The following SH3BP4 variants were observed in gnomAD, a reference collection of about 807,000 sequenced individuals.
SH3BP4 encodes the protein SH3 domain-binding protein 4.
SH3BP4 carries 33 observed loss-of-function variants against 65.5 expected under a neutral mutation model. That is an observed-to-expected ratio of 0.50 (90% CI 0.38 to 0.67). The LOEUF is 0.67. Among genes scored for constraint, SH3BP4 ranks in the 30% least tolerant of loss-of-function variants. The probability of loss-of-function intolerance (pLI) is 0.00; values close to 1 mark genes in which losing one functional copy is unlikely to be tolerated. For synonymous variants in SH3BP4, 552 were observed against 545.5 expected, an observed-to-expected ratio of 1.01 and a Z score of -0.17; for missense variants, 1,134 against 1,261.4, an observed-to-expected ratio of 0.90 and a Z score of 1.53.
intron 2 of SH3BP4, among the ~76,000 whole-genome samples, chr2:235,017,020 C>T (rs940650507): frequency 6.9e-6 from 1 of 144,110 alleles, no homozygotes; most frequent in Non-Finnish European, 1.5e-5. Context: ...ATCTCACTTT[C>T]GGCAGCGAGT....
intron 1 of SH3BP4, among the ~76,000 whole-genome samples, chr2:234,984,885 A>G (rs553370033): frequency 6.6e-5 from 10 of 152,240 alleles, no homozygotes; most frequent in African/African-American, 2.4e-4. Flanking sequence ...GAAGAGGAAA[A>G]GCTAATCGGG....
chr2:235,016,613 A>T (rs1694691530), intron 2 of SH3BP4, among the ~76,000 whole-genome samples: 1 of 152,002 alleles, frequency 6.6e-6, no homozygotes, highest in Admixed American at 6.6e-5. Flanking sequence ...AGTTCAAGCG[A>T]TTCTCCTGCC....
rs200280663 is a variant in SH3BP4 at position 235,040,858 on chromosome 2, C to T, written c.119-30C>T. 3.4e-4 allele frequency: 545 copies of T among 1,593,146 alleles called. 2 individuals are homozygous for T. The highest frequency in any genetic ancestry group is 3.1e-3 in the African/African-American group (233 of 74,696). The stretch of plus-strand genomic sequence containing the variant: ...CCGGACACCCCGCCGGCCTTGCCCT[C>T]ACCATCTGTTTTCTTTGTGTTTTGC... On this transcript the variant is annotated intron_variant, in intron 3 of 5. Transcript: ENST00000392011.
At chr2:234,995,084 C>T (rs1401673116) in intron 1 of SH3BP4, 2 of 152,240 alleles carry the variant, frequency 1.3e-5, no homozygotes, top group African/African-American at 4.8e-5. Context: ...TCTGGGTGGC[C>T]CCCGGTGAAG....
intron 2 of SH3BP4, among the ~76,000 whole-genome samples, chr2:235,012,340 G>C (rs1330323736): frequency 6.6e-6 from 1 of 152,210 alleles, no homozygotes; most frequent in Non-Finnish European, 1.5e-5. Flanking sequence ...TGCTGACCAG[G>C]CTCCACTTAC....
chr2:235,037,348 C>A (rs1421947818), intron 3 of SH3BP4, among the ~76,000 whole-genome samples: 1 of 152,130 alleles, frequency 6.6e-6, no homozygotes, highest in East Asian at 1.9e-4. Context: ...ACACAACAGT[C>A]CACCTCCCTA....
chr2:234,973,883 C>T (rs1281510098), intron 1 of SH3BP4, among the ~76,000 whole-genome samples: 1 of 152,100 alleles, frequency 6.6e-6, no homozygotes, highest in Non-Finnish European at 1.5e-5. Context: ...GATCCTCCTG[C>T]CTCAGCTTCC....
At chr2:235,044,851 C>T (rs529128075) in intron 4 of SH3BP4, among the ~76,000 whole-genome samples, 6 of 152,290 alleles carry the variant, frequency 3.9e-5, no homozygotes, top group South Asian at 2.1e-4. Context: ...GGCCTGCAGT[C>T]GTGTGCAGTG....
intron 1 of SH3BP4, among the ~76,000 whole-genome samples, chr2:234,965,536 G>A (rs1472122097): frequency 6.6e-6 from 1 of 152,218 alleles, no homozygotes; most frequent in Non-Finnish European, 1.5e-5. Context: ...TCCTCAACTG[G>A]CTCAGAGGAA....
rs1241220593 is a variant in SH3BP4, at chr2:235,035,868, C to G, written c.118+748C>G. ...CCTAGGCCACGTTCAGTCTCTCTCA[C>G]ATGCTCCTTTGGGGCTTGGCAGTTG... is the stretch of plus-strand genomic sequence containing the variant. On this transcript the variant is annotated intron_variant, in intron 3 of 5. Transcript: ENST00000392011. This position sits in a 1 kb window ranked among gnomAD's most constrained non-coding sequence, Gnocchi z 5.0. Among the ~76,000 whole-genome samples the G allele has an allele frequency of 6.6e-6, 1 of 152,260 alleles. No homozygotes were observed. Among genetic ancestry groups the G allele is most frequent in the African/African-American group, 2.4e-5 (1 of 41,468 alleles).
intron 1 of SH3BP4, among the ~76,000 whole-genome samples, chr2:234,966,849 TA>T (rs1280425118): frequency 6.6e-6 from 1 of 152,164 alleles, no homozygotes; most frequent in South Asian, 2.1e-4. Context: ...GCAGAAAATG[TA>T]AAAAAAGCTT....
chr2:234,985,690 C>T (rs909151713), intron 1 of SH3BP4, among the ~76,000 whole-genome samples: 12 of 152,190 alleles, frequency 7.9e-5, no homozygotes, highest in Admixed American at 4.6e-4. Flanking sequence ...GATGTATGTT[C>T]GGGTGAAGCA....
intron 2 of SH3BP4, among the ~76,000 whole-genome samples, chr2:235,017,873 T>TA (rs1324988559): frequency 7.2e-5 from 11 of 152,278 alleles, no homozygotes; most frequent in African/African-American, 2.6e-4. Flanking sequence ...ATTCAACCAG[T>TA]TTTTTTGGTT....
chr2:234,973,314 C>T (rs1482764395), intron 1 of SH3BP4, among the ~76,000 whole-genome samples: 2 of 152,138 alleles, frequency 1.3e-5, no homozygotes, highest in African/African-American at 4.8e-5. Context: ...AGTGCTGTTT[C>T]GTGACCCCTC....
At chr2:235,025,325 T>C (rs1038547912) in intron 2 of SH3BP4, among the ~76,000 whole-genome samples, 3 of 152,164 alleles carry the variant, frequency 2.0e-5, no homozygotes, top group Non-Finnish European at 4.4e-5. Context: ...GTCTGCGGAC[T>C]TCCAGTCCCA....
chr2:235,043,898 G>C (rs115417683), intron 4 of SH3BP4, among the ~76,000 whole-genome samples: 4,422 of 152,386 alleles, frequency 0.029, 87 homozygotes, highest in Non-Finnish European at 0.045. Flanking sequence ...ACAACCCAAG[G>C]ACCCTGCAAA....
rs1692485682 is a variant in SH3BP4, at chr2:234,952,216, G to A, written c.-207+46G>A. 6.7e-6 allele frequency: 1 copy of A among 149,976 alleles called. No individual in the cohort carries two copies. The highest frequency in any genetic ancestry group is 1.8e-4 in the South Asian group (1 of 5,510). 9.3% of individuals were successfully genotyped at this position (149,976 alleles called of 1,614,324 possible). ...AGCGCCTCGGGCGGCAGGGCCCTGG[G>A]GGCCGGCGGGGGCGCGGGGTCGTGC... On this transcript the variant is annotated intron_variant, in intron 1 of 5. Coordinates refer to ENST00000392011, the MANE Select transcript of SH3BP4 (RefSeq NM_014521.3). This position sits in a 1 kb window ranked among gnomAD's most constrained non-coding sequence, Gnocchi z 6.5.
At position 235,033,717 on chromosome 2, in the gene SH3BP4, C is replaced by T. The variant is rs1401642797; in HGVS notation, c.-132-1154C>T. 6.6e-6 allele frequency among the ~76,000 whole-genome samples: 1 copy of T among 152,194 alleles called. No homozygotes were observed. The highest frequency in any genetic ancestry group is 2.4e-5 in the African/African-American group (1 of 41,432). ...TTGCTCTGCTCACTGCACAGGGGCT[C>T]TCCAAGCCATGCTCACTGCACATGG... On this transcript the variant is annotated intron_variant, in intron 2 of 5. Transcript: ENST00000392011. The surrounding 1 kb of genome is among the most constrained non-coding windows in gnomAD (Gnocchi z 5.7).
In SH3BP4 at chr2:235,000,120, C is replaced by T. The variant is rs542198269; in HGVS notation, c.-133+4744C>T. Among the ~76,000 whole-genome samples the T allele has an allele frequency of 7.4e-4, 112 of 152,290 alleles. 1 individual carries two copies. Among genetic ancestry groups the T allele is most frequent in the African/African-American group, 2.5e-3 (103 of 41,564 alleles). On this transcript the variant is annotated intron_variant, in intron 2 of 5. Transcript: ENST00000392011. The stretch of plus-strand genomic sequence containing the variant: ...CTGGGGGTGTGCCTGGGCCAGGCAG[C>T]GACAGCCACTGGGAACCCCAGGCAA...
Sources: gnomAD v4.1 joint callset for allele counts (sites outside exome capture counted in the v4.1 genomes callset) on GRCh38, gnomAD v4.1.1 for gene constraint, Gnocchi (gnomAD v3.1) non-coding constraint, MANE v1.5 for transcripts, NCBI Gene and HGNC (gene_info 2026-07-23, HGNC 2026-07-21) for gene names.